The following HK1 variants were observed in gnomAD, a reference collection of about 807,000 sequenced individuals.
HK1 encodes hexokinase 1.
In HK1, 28 loss-of-function variants were observed where a neutral mutation model predicts 91.6. That is an observed-to-expected ratio of 0.31 (90% CI 0.23 to 0.42). The LOEUF is 0.42. HK1 is among the 10% of genes least tolerant of loss of function. The pLI is 1.00. For missense variants in HK1, 770 were observed against 1,219.8 expected (o/e 0.63, Z 5.49); for synonymous variants, 430 against 468.1 (o/e 0.92, Z 1.05).
chr10:69,365,885 G>A (rs904110224), intron 4 of HK1, among the ~76,000 whole-genome samples: 4 of 152,142 alleles, frequency 2.6e-5, no homozygotes, highest in African/African-American at 9.7e-5. Context: ...AGGCTGGAGT[G>A]CAATGGCACG....
At chr10:69,360,731 G>A (rs904247869) in intron 3 of HK1, among the ~76,000 whole-genome samples, 9 of 152,140 alleles carry the variant, frequency 5.9e-5, no homozygotes, top group Non-Finnish European at 8.8e-5. Context: ...CTCTGGGTGC[G>A]GGGAGTGGTG....
At chr10:69,300,445 A>C in intron 4 of HK1, 1 of 799,668 alleles carries the variant, frequency 1.3e-6, no homozygotes, top group Non-Finnish European at 2.0e-6. Context: ...AAAGAATCCC[A>C]GGATTTTCCT....
At chr10:69,352,288 C>T (rs969759826) in intron 2 of HK1, among the ~76,000 whole-genome samples, 35 of 152,060 alleles carry the variant, frequency 2.3e-4, no homozygotes, top group African/African-American at 8.2e-4. Context: ...CCACTGCGCC[C>T]GGCTGAATTC....
chr10:69,369,345 T>G lies in HK1; in HGVS notation c.691+9T>G. On this transcript the variant is annotated intron_variant, in intron 6 of 17. Coordinates refer to ENST00000359426, the MANE Select transcript of HK1 (RefSeq NM_000188.3). This position sits in a 1 kb window ranked among gnomAD's most constrained non-coding sequence, Gnocchi z 4.4. ...AGTCGGCCTGATCATCGGTAATGCA[T>G]TCCCCTTTGCCCATCCATTTGTTCG... 1 of 1,613,834 alleles carries G rather than the reference T, an allele frequency of 6.2e-7. No individual in the cohort carries two copies. Among genetic ancestry groups the G allele is most frequent in the Non-Finnish European group, 8.5e-7 (1 of 1,179,682 alleles).
chr10:69,292,625 T>A (rs1845346771), intron 3 of HK1, among the ~76,000 whole-genome samples: 1 of 152,212 alleles, frequency 6.6e-6, no homozygotes, highest in African/African-American at 2.4e-5. Context: ...CTAATATTTA[T>A]GCTGTGCTTT....
rs1849332746 is a variant in HK1 at position 69,359,994 on chromosome 10, G to T, written c.324G>T (p.Glu108Asp). 2 of 1,614,216 alleles carry T rather than the reference G, an allele frequency of 1.2e-6. No individual in the cohort carries two copies. Among genetic ancestry groups the T allele is most frequent in the Non-Finnish European group, 1.7e-6 (2 of 1,180,016 alleles). Reference sequence around the variant, plus strand: ...AGAAAAACCAGAATGTTCACATGGAGTCCGAGGTTTATGACACCCCAGAGA... The same window carrying T: ...AGAAAAACCAGAATGTTCACATGGATTCCGAGGTTTATGACACCCCAGAGA... ...NHEKNQNVHMESEVYDTPENI... is the reference protein window; with the variant it reads ...NHEKNQNVHMDSEVYDTPENI... Residue 108 changes from glutamate (E) to aspartate (D), a missense_variant, in exon 3 of 18, where the codon GAG becomes GAT. Transcript: ENST00000359426.
intron 2 of HK1, among the ~76,000 whole-genome samples, chr10:69,348,731 A>C (rs1848695191): frequency 6.6e-6 from 1 of 152,156 alleles, no homozygotes; most frequent in Non-Finnish European, 1.5e-5. Flanking sequence ...GAATCACTTG[A>C]ACCTGGGAGG....
chr10:69,387,560 T>G (rs1341445300), intron 13 of HK1, among the ~76,000 whole-genome samples: 1 of 152,106 alleles, frequency 6.6e-6, no homozygotes, highest in African/African-American at 2.4e-5. Flanking sequence ...TGTTGGGGTT[T>G]TTAAATAGAG....
At chr10:69,307,973 G>A (rs1324727680) in intron 5 of HK1, among the ~76,000 whole-genome samples, 1 of 151,854 alleles carries the variant, frequency 6.6e-6, no homozygotes, top group African/African-American at 2.4e-5. Flanking sequence ...GGAGTAGCAG[G>A]GACTATAGGT....
In HK1 at chr10:69,397,667, T is replaced by A. The variant is rs150961040; in HGVS notation, c.2376-928T>A. Among the ~76,000 whole-genome samples, 19 of 152,230 alleles carry A rather than the reference T, an allele frequency of 1.2e-4. No individual in the cohort carries two copies. The East Asian group carries it at 3.5e-3, about 28-fold the overall frequency. ...ATACATTCATTGGTTGTTTGAGGAG[T>A]AAGTAAGGTAATGTATGTAAAATAT... On this transcript the variant is annotated intron_variant, in intron 16 of 17. Coordinates refer to ENST00000359426, the MANE Select transcript of HK1 (RefSeq NM_000188.3).
Position 69,382,595 on chromosome 10 carries a change from G to C in HK1, c.1374G>C (p.Ala458=), listed in dbSNP as rs779957731. The C allele has an allele frequency of 1.9e-6, 3 of 1,614,186 alleles. No individual in the cohort carries two copies. Among genetic ancestry groups the C allele is most frequent in the Non-Finnish European group, 2.5e-6 (3 of 1,180,042 alleles). ...GCAAGGGGGCTGCCATGGTGACGGC[G>C]GTGGCCTACCGCTTGGCCGAGCAGC... ...GSGKGAAMVT[A]VAYRLAEQHR... Residue 458 remains alanine, a synonymous_variant, in exon 10 of 18, where the codon GCG becomes GCC. Coordinates refer to ENST00000359426, the MANE Select transcript of HK1 (RefSeq NM_000188.3).
At chr10:69,368,677 G>C (rs2132812521) in intron 5 of HK1, 46 bp downstream of exon 5, 1 of 1,450,220 alleles carries the variant, frequency 6.9e-7, no homozygotes, top group South Asian at 1.1e-5. Context: ...GGGGTGTGGG[G>C]AGCAGGGCTG....
chr10:69,370,877 G>A (rs1361270389), intron 7 of HK1, among the ~76,000 whole-genome samples: 1 of 152,174 alleles, frequency 6.6e-6, no homozygotes, highest in Non-Finnish European at 1.5e-5. Context: ...ATTTCCTGAA[G>A]TGCCTGCTCA....
At chr10:69,363,297 C>T (rs1849531640) in intron 3 of HK1, among the ~76,000 whole-genome samples, 4 of 152,170 alleles carry the variant, frequency 2.6e-5, no homozygotes, top group Admixed American at 6.5e-5. Flanking sequence ...GGTTGGATTA[C>T]TAGAGGCAGA....
At chr10:69,281,625 A>G (rs1034634822) in intron 1 of HK1, among the ~76,000 whole-genome samples, 4 of 152,168 alleles carry the variant, frequency 2.6e-5, no homozygotes, top group African/African-American at 9.7e-5. Flanking sequence ...ACAATTTGCA[A>G]CTGTGATTTG....
intron 7 of HK1, among the ~76,000 whole-genome samples, chr10:69,374,178 C>T (rs889441876): frequency 3.9e-5 from 6 of 152,200 alleles, no homozygotes; most frequent in Non-Finnish European, 7.3e-5. Flanking sequence ...TCGGCAGCTC[C>T]GGTCCTGGTT....
intron 2 of HK1, among the ~76,000 whole-genome samples, chr10:69,287,357 G>T (rs1162889259): frequency 6.6e-6 from 1 of 152,090 alleles, no homozygotes; most frequent in Admixed American, 6.5e-5. Context: ...GGGGGGAACC[G>T]CCCCCATGAT....
intron 15 of HK1, among the ~76,000 whole-genome samples, chr10:69,394,363 A>G (rs1343333216): frequency 1.3e-5 from 2 of 152,204 alleles, no homozygotes; most frequent in African/African-American, 4.8e-5. Flanking sequence ...AGAAAAATCT[A>G]GAAACTTTCC....
rs1564557446 is a variant in HK1 at position 69,380,406 on chromosome 10, CG to C, written c.1265+312del. 6.6e-6 allele frequency among the ~76,000 whole-genome samples: 1 copy of C among 152,160 alleles called. No individual in the cohort carries two copies. The highest frequency in any genetic ancestry group is 1.5e-5 in the Non-Finnish European group (1 of 68,032). On this transcript the variant is annotated intron_variant, in intron 9 of 17. Coordinates refer to ENST00000359426, the MANE Select transcript of HK1 (RefSeq NM_000188.3). This position sits in a 1 kb window ranked among gnomAD's most constrained non-coding sequence, Gnocchi z 4.0. ...CCCCTTGGGAAGTATCGCCCTTAGT[CG>C]ATTCTTGCTGGTATTGCTTCTGCAC...
Sources: allele counts gnomAD v4.1 joint callset (sites outside exome capture counted in the v4.1 genomes callset), GRCh38; gene constraint gnomAD v4.1.1; non-coding constraint Gnocchi (gnomAD v3.1); transcripts MANE v1.5; gene names NCBI Gene and HGNC (gene_info 2026-07-23, HGNC 2026-07-21).